BCORL1: variants seen among roughly 807,000 people sequenced by gnomAD.
BCORL1 encodes BCL6 corepressor like 1.
BCORL1 carries 7 observed loss-of-function variants against 87.6 expected under a neutral mutation model. That is an observed-to-expected ratio of 0.08 (90% CI 0.05 to 0.15). BCORL1 has a LOEUF of 0.15. Among genes scored for constraint, BCORL1 ranks in the 10% least tolerant of loss-of-function variants. The probability of loss-of-function intolerance (pLI) is 1.00; values close to 1 mark genes in which losing one functional copy is unlikely to be tolerated. For missense variants in BCORL1, 1,215 were observed against 1,499.7 expected (o/e 0.81, Z 3.13); for synonymous variants, 591 against 634.4 (o/e 0.93, Z 1.03).
At chrX:129,984,451 G>T (rs1034118482) in intron 1 of BCORL1, among the ~76,000 whole-genome samples, 22 of 111,277 alleles carry the variant, frequency 2.0e-4, no homozygotes, top group Non-Finnish European at 5.7e-5. Flanking sequence ...AGGAAGGGGG[G>T]TGTGGGTCCC....
At position 130,025,482 on chromosome X, in the gene BCORL1, C is replaced by G. The variant is rs368123241; in HGVS notation, c.4078+103C>G. 6 of 780,877 alleles carry G rather than the reference C, an allele frequency of 7.7e-6. No homozygotes were observed. In the African/African-American group the frequency reaches 1.3e-4, roughly 17 times the overall value. 64.4% of individuals were successfully genotyped at this position (780,877 alleles called of 1,213,427 possible). ...AAAGGCTTCGGGACCCAGAGAAACC[C>G]GGTGCTATGATCTCCAGCTGCCAGA... is the stretch of plus-strand genomic sequence containing the variant. On this transcript the variant is annotated intron_variant, in intron 7 of 13. Transcript: ENST00000540052.
At chrX:130,040,254 A>T (rs1209086652) in intron 11 of BCORL1, among the ~76,000 whole-genome samples, 1 of 112,344 alleles carries the variant, frequency 8.9e-6, no homozygotes, top group Admixed American at 9.4e-5. Context: ...CTTTGGCCCT[A>T]GTTAGCCCCG....
At chrX:130,039,538 C>T (rs1392159659) in intron 11 of BCORL1, among the ~76,000 whole-genome samples, 2 of 113,147 alleles carry the variant, frequency 1.8e-5, no homozygotes, top group Non-Finnish European at 1.9e-5. Flanking sequence ...GGACCTATTT[C>T]GTAGCTAGGG....
rs1163092549 is a variant in BCORL1, at chrX:130,015,569, C to A, written c.2797C>A (p.Leu933Met). The part of the protein sequence containing the change: ...LLTLSPQTGT[L>M]ALSVQPSGGD... ...GACCCTCAGCCCTCAGACTGGGACCCTGGCACTGTCTGTTCAGCCTAGCGG... is the reference window on the plus strand; with the variant it reads ...GACCCTCAGCCCTCAGACTGGGACCATGGCACTGTCTGTTCAGCCTAGCGG... Residue 933 changes from leucine to methionine, a missense_variant, in exon 4 of 14, where the codon CTG becomes ATG. Physicochemically the swap from Leu to Met is conservative, Grantham distance 15 (BLOSUM62 2). Coordinates refer to ENST00000540052, the MANE Select transcript of BCORL1 (RefSeq NM_001379451.1). 1.6e-6 allele frequency: 2 copies of A among 1,212,324 alleles called. No individual in the cohort carries two copies. Among genetic ancestry groups the A allele is most frequent in the Non-Finnish European group, 2.2e-6 (2 of 895,636 alleles).
At chrX:130,047,343 G>C (rs1016216913) in intron 11 of BCORL1, among the ~76,000 whole-genome samples, 27 of 111,776 alleles carry the variant, frequency 2.4e-4, no homozygotes, top group Admixed American at 1.6e-3. Context: ...CAAGGGAAAG[G>C]AAGGTCCCTC....
chrX:130,005,923 C>T (rs1249318368), intron 2 of BCORL1, among the ~76,000 whole-genome samples: 1 of 110,770 alleles, frequency 9.0e-6, no homozygotes, highest in East Asian at 2.8e-4. Context: ...ACTGCCCATG[C>T]CTGGCCAGCG....
At chrX:129,988,674 G>A (rs1428599911) in intron 1 of BCORL1, among the ~76,000 whole-genome samples, 1 of 111,613 alleles carries the variant, frequency 9.0e-6, no homozygotes, top group East Asian at 2.8e-4. Flanking sequence ...GGAATCCAGA[G>A]TACCAAGGAG....
Position 130,015,754 on chromosome X carries a change from G to C in BCORL1, c.2982G>C (p.Glu994Asp). 1 of 1,211,881 alleles carries C rather than the reference G, an allele frequency of 8.3e-7. No individual in the cohort carries two copies. The highest frequency in any genetic ancestry group is 1.1e-6 in the Non-Finnish European group (1 of 895,552). The change falls in exon 4 of 14, where the codon GAG becomes GAC. Residue 994 changes from glutamate to aspartate, a missense_variant. By Grantham distance (45) the Glu-to-Asp change is conservative. This residue lies in a region of BCORL1 where 861 missense variants were observed against 1,010.0 expected (regional missense o/e 0.85). Coordinates refer to ENST00000540052, the MANE Select transcript of BCORL1 (RefSeq NM_001379451.1). ...NQVLATYMSH[E>D]LVLATPQNLP... ...TGCTGGCCACCTACATGTCCCATGA[G>C]CTGGTCCTGGCCACCCCCCAGAACC... is the stretch of plus-strand genomic sequence containing the variant.
chrX:130,031,946 G>T (rs1274769023), intron 8 of BCORL1, among the ~76,000 whole-genome samples: 2 of 111,497 alleles, frequency 1.8e-5, no homozygotes, highest in Non-Finnish European at 3.8e-5. Context: ...GTGGAAAGAA[G>T]AAAGTGAGGC....
In BCORL1 at chrX:130,012,932, G is replaced by A; in HGVS notation, c.178-18G>A. Reference sequence around the variant, plus strand: ...GCAGGGAGCTGGCTGAGATGTGCATGCTATCCTGTCGTTGCAGGTGGAGCT... The same window carrying A: ...GCAGGGAGCTGGCTGAGATGTGCATACTATCCTGTCGTTGCAGGTGGAGCT... On this transcript the variant is annotated intron_variant, in intron 3 of 13. Transcript: ENST00000540052. The A allele has an allele frequency of 1.7e-6, 2 of 1,181,956 alleles. No homozygotes were observed. The highest frequency in any genetic ancestry group is 2.3e-6 in the Non-Finnish European group (2 of 876,926).
chrX:130,033,872 C>T (rs1336065772), intron 8 of BCORL1, among the ~76,000 whole-genome samples: 1 of 110,790 alleles, frequency 9.0e-6, no homozygotes, highest in African/African-American at 3.3e-5. Flanking sequence ...ATCCCAGCTA[C>T]TCAGGAGGCT....
chrX:129,992,009 G>A (rs2124340608), intron 1 of BCORL1, among the ~76,000 whole-genome samples: 1 of 106,740 alleles, frequency 9.4e-6, no homozygotes, highest in African/African-American at 3.4e-5. Flanking sequence ...TTGCTCTATT[G>A]CCCACGCTGA....
intron 13 of BCORL1, among the ~76,000 whole-genome samples, chrX:130,055,235 T>C (rs1343346230): frequency 1.8e-5 from 2 of 112,724 alleles, no homozygotes; most frequent in African/African-American, 6.4e-5. Context: ...AGACTCCACT[T>C]TCTGTAATGT....
intron 11 of BCORL1, among the ~76,000 whole-genome samples, chrX:130,045,923 G>A (rs979996084): frequency 2.0e-4 from 22 of 110,852 alleles, no homozygotes; most frequent in African/African-American, 6.2e-4. Flanking sequence ...GAGCTTCTGC[G>A]GGTGCTTTTT....
intron 11 of BCORL1, among the ~76,000 whole-genome samples, chrX:130,043,784 A>ATATATTTT (rs1556131020): frequency 6.3e-5 from 1 of 15,974 alleles, no homozygotes; most frequent in Non-Finnish European, 8.7e-5. Context: ...ATATATATAT[A>ATATATTTT]TTTTTTTTTT....
At chrX:130,022,020 C>G (rs1929860595) in intron 5 of BCORL1, among the ~76,000 whole-genome samples, 1 of 110,773 alleles carries the variant, frequency 9.0e-6, no homozygotes, top group Non-Finnish European at 1.9e-5. Context: ...CTCCTGGGCT[C>G]AAGCCATCTC....
At chrX:130,040,618 T>G (rs1346393366) in intron 11 of BCORL1, among the ~76,000 whole-genome samples, 1 of 112,367 alleles carries the variant, frequency 8.9e-6, no homozygotes, top group Non-Finnish European at 1.9e-5. Flanking sequence ...CAAGCCCCTG[T>G]CCTTGAGGCG....
At chrX:129,996,807 C>T (rs187250155) in intron 1 of BCORL1, among the ~76,000 whole-genome samples, 3 of 109,810 alleles carry the variant, frequency 2.7e-5, no homozygotes, top group East Asian at 2.9e-4. Context: ...TTTATAGAGA[C>T]GAGGTCTCAC....
At chrX:130,000,301 G>A (rs1251518554) in intron 1 of BCORL1, among the ~76,000 whole-genome samples, 2 of 112,133 alleles carry the variant, frequency 1.8e-5, no homozygotes, top group South Asian at 3.7e-4. Flanking sequence ...ACCTCCCAAA[G>A]TTCTGGGATT....
Sources: allele counts gnomAD v4.1 joint callset (sites outside exome capture counted in the v4.1 genomes callset), GRCh38; gene constraint gnomAD v4.1.1; regional missense constraint gnomAD v4.1.1; transcripts MANE v1.5; gene names NCBI Gene and HGNC (gene_info 2026-07-23, HGNC 2026-07-21).